The following MLIP variants were observed in gnomAD, a reference collection of about 807,000 sequenced individuals.
MLIP encodes the protein muscular LMNA interacting protein, also known as muscular LMNA-interacting protein.
In MLIP, 79 loss-of-function variants were observed where a neutral mutation model predicts 84.8. The observed-to-expected ratio is 0.93, with a 90% CI of 0.78 to 1.12. The LOEUF is 1.12. Ranked by LOEUF, MLIP falls within the 50% of genes most tolerant of loss-of-function variation. MLIP has a pLI of 0.00. For missense variants in MLIP, 1,257 were observed against 1,160.6 expected (o/e 1.08, Z -1.21); for synonymous variants, 504 against 463.0 (o/e 1.09, Z -1.14).
At chr6:54,019,082 G>T in exon 1 of MLIP, 1 of 1,611,710 alleles carries the variant, frequency 6.2e-7, no homozygotes, top group Non-Finnish European at 8.5e-7. Context: ...ATTTAGAGGA[G>T]AAACTGACGG....
At chr6:54,145,704 A>G (rs1772738997) in intron 4 of MLIP, among the ~76,000 whole-genome samples, 1 of 151,996 alleles carries the variant, frequency 6.6e-6, no homozygotes, top group African/African-American at 2.4e-5. Context: ...TGAGCTCAGG[A>G]GTTAGAGGCT....
chr6:54,239,614 C>T (rs927113645), intron 12 of MLIP, among the ~76,000 whole-genome samples: 2 of 146,274 alleles, frequency 1.4e-5, no homozygotes, highest in African/African-American at 2.6e-5. Context: ...CCCATCTCTA[C>T]TAAAAATACA....
intron 5 of MLIP, among the ~76,000 whole-genome samples, chr6:54,157,476 T>C (rs1379350008): frequency 6.6e-6 from 1 of 152,058 alleles, no homozygotes; most frequent in East Asian, 1.9e-4. Context: ...GCCAATCATA[T>C]CCTTTGGTGG....
chr6:54,260,787 A>T (rs1783330651), intron 13 of MLIP, among the ~76,000 whole-genome samples: 1 of 151,894 alleles, frequency 6.6e-6, no homozygotes, highest in Admixed American at 6.6e-5. Context: ...TTAATACTTT[A>T]TTTTTGTTTG....
At chr6:54,189,834 A>G (rs1447186257) in intron 9 of MLIP, 36 bp from the exon 10 acceptor site, 3 of 1,460,606 alleles carry the variant, frequency 2.1e-6, no homozygotes, top group Non-Finnish European at 2.9e-6. Flanking sequence ...ATAAATTATG[A>G]GTTTCACTAA....
intron 3 of MLIP, 34 bp from the exon 4 acceptor site, chr6:54,136,681 C>T: frequency 2.1e-6 from 3 of 1,409,302 alleles, no homozygotes; most frequent in Non-Finnish European, 1.9e-6. Flanking sequence ...CAAATAATGT[C>T]CTATTTCAAT....
chr6:54,155,725 T>G (rs185779730), intron 5 of MLIP, among the ~76,000 whole-genome samples: 31 of 152,258 alleles, frequency 2.0e-4, no homozygotes, highest in Admixed American at 1.9e-3. Context: ...TTGCAATGCT[T>G]TTTCATAGTT....
chr6:54,140,371 C>T (rs934774954), intron 4 of MLIP, among the ~76,000 whole-genome samples: 1 of 152,060 alleles, frequency 6.6e-6, no homozygotes, highest in Non-Finnish European at 1.5e-5. Flanking sequence ...TCTTCCTGCA[C>T]CCAACATTGA....
chr6:54,058,031 G>A (rs1180570365), intron 1 of MLIP: 1 of 151,918 alleles, frequency 6.6e-6, no homozygotes, highest in South Asian at 2.1e-4. Context: ...TATAGTAGTC[G>A]GACTTTCTAG....
intron 9 of MLIP, among the ~76,000 whole-genome samples, chr6:54,185,545 C>T (rs1777308803): frequency 6.6e-6 from 1 of 152,098 alleles, no homozygotes; most frequent in African/African-American, 2.4e-5. Context: ...CCTTTTCTCT[C>T]TTTTCCCCAT....
At chr6:54,043,281 C>T (rs533508432) in intron 1 of MLIP, 1 of 152,144 alleles carries the variant, frequency 6.6e-6, no homozygotes, top group South Asian at 2.1e-4. Flanking sequence ...GAATACTGTG[C>T]TTTATTCCAT....
intron 1 of MLIP, among the ~76,000 whole-genome samples, chr6:54,045,191 T>C (rs1240544043): frequency 6.6e-6 from 1 of 151,762 alleles, no homozygotes; most frequent in African/African-American, 2.4e-5. Flanking sequence ...CTACTAAAAA[T>C]ACAAAAATTA....
chr6:54,114,784 G>A (rs143716368), intron 1 of MLIP, among the ~76,000 whole-genome samples: 1,840 of 152,218 alleles, frequency 0.012, 44 homozygotes, highest in African/African-American at 0.041. Flanking sequence ...CTAGCATTTA[G>A]TAGGCATTTA....
At chr6:54,108,612 T>A (rs530360691), upstream of MLIP, among the ~76,000 whole-genome samples, 2 of 152,232 alleles carry the variant, frequency 1.3e-5, no homozygotes, top group African/African-American at 4.8e-5. Context: ...TAACAGCAAT[T>A]ATTAGTTAAT....
intron 1 of MLIP, among the ~76,000 whole-genome samples, chr6:54,049,875 T>C (rs560289862): frequency 2.0e-5 from 3 of 152,300 alleles, no homozygotes; most frequent in South Asian, 4.1e-4. Context: ...ATCCCTTTCT[T>C]TGGGTTATCT....
At chr6:54,030,252 T>C (rs910562110) in intron 1 of MLIP, among the ~76,000 whole-genome samples, 3 of 152,230 alleles carry the variant, frequency 2.0e-5, no homozygotes, top group Admixed American at 6.5e-5. Flanking sequence ...TTCTGAAAGA[T>C]GTTATGTCCT....
rs1771877486 is a variant in MLIP at position 54,137,168 on chromosome 6, C to T, written c.1099C>T (p.Arg367Cys). ...GAATTCGGCCTCGTACATACCAGTC[C>T]GCATTGTCACGCATTCACTCTCTCC... ...KSNSASYIPV[R>C]IVTHSLSPSP... Residue 367 changes from arginine (R) to cysteine (C), a missense_variant, in exon 4 of 14, where the codon CGC (arginine) becomes TGC (cysteine). Coordinates refer to ENST00000502396, the MANE Select transcript of MLIP (RefSeq NM_001281747.2). 5.9e-6 allele frequency: 9 copies of T among 1,535,970 alleles called. No individual in the cohort carries two copies. The highest frequency in any genetic ancestry group is 2.4e-5 in the East Asian group (1 of 40,916).
intron 2 of MLIP, among the ~76,000 whole-genome samples, chr6:54,123,930 T>C (rs1561952710): frequency 6.6e-6 from 1 of 152,222 alleles, no homozygotes; most frequent in Admixed American, 6.5e-5. Context: ...TAAAAATATC[T>C]GCATCTTTTT....
intron 1 of MLIP, among the ~76,000 whole-genome samples, chr6:54,072,895 T>A (rs866227612): frequency 2.6e-5 from 4 of 152,246 alleles, no homozygotes; most frequent in Non-Finnish European, 5.9e-5. Context: ...AAAGAGATAC[T>A]TTTCAAGCAT....
Sources: gnomAD v4.1 joint callset for allele counts (sites outside exome capture counted in the v4.1 genomes callset) on GRCh38, gnomAD v4.1.1 for gene constraint, MANE v1.5 for transcripts, NCBI Gene and HGNC (gene_info 2026-07-23, HGNC 2026-07-21) for gene names.